Variants in CSMD1 observed in about 807,000 individuals in gnomAD.
CSMD1 encodes the protein CUB and Sushi multiple domains 1.
CSMD1 carries 213 observed loss-of-function variants against 417.5 expected under a neutral mutation model. The ratio of observed to expected loss-of-function variants is 0.51; its 90% CI spans 0.46 to 0.57. The LOEUF (loss-of-function observed/expected upper bound fraction) is 0.57, where lower values mean the gene tolerates loss of function less well. Among genes scored for constraint, CSMD1 ranks in the 20% least tolerant of loss-of-function variants. CSMD1 has a pLI of 0.00. For synonymous variants in CSMD1, 2,862 were observed against 1,736.8 expected (o/e 1.65, Z -16.11); for missense variants, 6,923 against 4,529.7 (o/e 1.53, Z -15.17).
At chr8:3,481,277 T>A (rs1817736316) in intron 11 of CSMD1, among the ~76,000 whole-genome samples, 1 of 152,022 alleles carries the variant, frequency 6.6e-6, no homozygotes. Flanking sequence ...TACCTGTGTT[T>A]TCAAAAGAGA....
At chr8:4,870,446 T>C (rs1802672332) in intron 1 of CSMD1, among the ~76,000 whole-genome samples, 1 of 152,178 alleles carries the variant, frequency 6.6e-6, no homozygotes, top group Non-Finnish European at 1.5e-5. Flanking sequence ...ATAACTTGAA[T>C]GCACTGAAAT....
At chr8:3,471,681 C>G (rs993149377) in intron 11 of CSMD1, among the ~76,000 whole-genome samples, 3 of 140,810 alleles carry the variant, frequency 2.1e-5, no homozygotes, top group African/African-American at 7.8e-5. Context: ...TCCCTCCCTT[C>G]CTTCCTTCCT....
chr8:4,986,008 C>T (rs1050470368), intron 1 of CSMD1, among the ~76,000 whole-genome samples: 3 of 152,042 alleles, frequency 2.0e-5, no homozygotes, highest in African/African-American at 4.8e-5. Context: ...TGTGAAGTGC[C>T]GATCATACTC....
chr8:3,079,707 G>T (rs186446847), intron 49 of CSMD1, among the ~76,000 whole-genome samples: 1 of 152,226 alleles, frequency 6.6e-6, no homozygotes, highest in African/African-American at 2.4e-5. Context: ...CTCTCTGTGG[G>T]CAAACATCAT....
At chr8:4,291,023 G>C (rs1003158916) in intron 3 of CSMD1, among the ~76,000 whole-genome samples, 2 of 152,132 alleles carry the variant, frequency 1.3e-5, no homozygotes, top group South Asian at 2.1e-4. Context: ...GTCAAAATAA[G>C]ATCTTCTTTG....
chr8:4,699,902 T>C (rs530193379), intron 1 of CSMD1, among the ~76,000 whole-genome samples: 3 of 152,292 alleles, frequency 2.0e-5, no homozygotes, highest in African/African-American at 7.2e-5. Flanking sequence ...ATGGAATCCT[T>C]TGGAAGATTA....
At chr8:3,467,702 G>C (rs1585208150) in intron 12 of CSMD1, among the ~76,000 whole-genome samples, 1 of 152,010 alleles carries the variant, frequency 6.6e-6, no homozygotes, top group African/African-American at 2.4e-5. Context: ...ATCCCACACA[G>C]AGAGAGAGAG....
intron 10 of CSMD1, among the ~76,000 whole-genome samples, chr8:3,553,542 C>A (rs1342713553): frequency 6.6e-6 from 1 of 152,188 alleles, no homozygotes. Context: ...TGCCGTGGCA[C>A]AGACTTGGAA....
chr8:4,012,025 GGA>G (rs1491255099), intron 4 of CSMD1, among the ~76,000 whole-genome samples: 2 of 97,294 alleles, frequency 2.1e-5, no homozygotes, highest in South Asian at 3.6e-4. Context: ...ATAATGACAA[GGA>G]AAAAAAAAGT....
At chr8:4,234,338 A>T (rs1018976192) in intron 3 of CSMD1, among the ~76,000 whole-genome samples, 6 of 152,146 alleles carry the variant, frequency 3.9e-5, no homozygotes, top group Non-Finnish European at 8.8e-5. Context: ...AAATGGGCCG[A>T]GGCTCCTGAA....
chr8:4,319,404 TAC>T (rs1799129655), intron 3 of CSMD1, among the ~76,000 whole-genome samples: 1 of 152,110 alleles, frequency 6.6e-6, no homozygotes, highest in African/African-American at 2.4e-5. Context: ...CCATAATCGA[TAC>T]GTGAGCCCTA....
chr8:3,945,895 G>A (rs1247897291), intron 5 of CSMD1, among the ~76,000 whole-genome samples: 2 of 152,060 alleles, frequency 1.3e-5, no homozygotes, highest in African/African-American at 4.8e-5. Flanking sequence ...AGAACGTACT[G>A]ACTATTCACT....
chr8:3,956,130 G>C (rs969746377), intron 5 of CSMD1, among the ~76,000 whole-genome samples: 5 of 152,160 alleles, frequency 3.3e-5, no homozygotes, highest in African/African-American at 1.2e-4. Flanking sequence ...GTTCTGACCA[G>C]ATCCTGGACC....
chr8:3,635,946 T>C (rs768088711), intron 7 of CSMD1, among the ~76,000 whole-genome samples: 2 of 152,206 alleles, frequency 1.3e-5, no homozygotes, highest in Non-Finnish European at 2.9e-5. Flanking sequence ...CTTTTTGGCT[T>C]TATAAACTTC....
intron 2 of CSMD1, among the ~76,000 whole-genome samples, chr8:4,589,556 T>G (rs1225366825): frequency 6.6e-6 from 1 of 152,222 alleles, no homozygotes; most frequent in Non-Finnish European, 1.5e-5. Context: ...AATATGTTAA[T>G]GTCGACTCTA....
chr8:2,985,398 C>T lies in CSMD1; in HGVS notation c.8378-6598G>A, dbSNP rs141111058. On this transcript the variant is annotated intron_variant, in intron 54 of 69. Coordinates refer to ENST00000635120, the MANE Select transcript of CSMD1 (RefSeq NM_033225.6). The stretch of plus-strand genomic sequence containing the variant: ...ACTGTGGTGTGATACTGCTACACTG[C>T]TTCACCACGTGAGGGAGGAGACTGG... Among the ~76,000 whole-genome samples the T allele has an allele frequency of 1.2e-3, 182 of 148,986 alleles. 7 individuals are homozygous for T. The highest frequency in any genetic ancestry group is 3.5e-3 in the Middle Eastern group (1 of 282).
At chr8:3,693,591 T>G (rs945157918) in intron 7 of CSMD1, among the ~76,000 whole-genome samples, 1 of 151,998 alleles carries the variant, frequency 6.6e-6, no homozygotes, top group Non-Finnish European at 1.5e-5. Flanking sequence ...AACACTAAAA[T>G]CCCCACCCTT....
At chr8:3,094,826 A>C (rs1258793438) in intron 47 of CSMD1, among the ~76,000 whole-genome samples, 1 of 150,840 alleles carries the variant, frequency 6.6e-6, no homozygotes, top group Non-Finnish European at 1.5e-5. Context: ...AAAAAGAGAG[A>C]GAGAAAGAGA....
intron 5 of CSMD1, among the ~76,000 whole-genome samples, chr8:3,858,535 T>G (rs977329004): frequency 1.3e-5 from 2 of 152,188 alleles, no homozygotes; most frequent in Admixed American, 1.3e-4. Flanking sequence ...TAAAAGTGCA[T>G]AGAGCAAGGT....
Sources: gnomAD v4.1 joint callset for allele counts (sites outside exome capture counted in the v4.1 genomes callset) on GRCh38, gnomAD v4.1.1 for gene constraint, MANE v1.5 for transcripts, NCBI Gene and HGNC (gene_info 2026-07-23, HGNC 2026-07-21) for gene names.